LRRC69: variants seen among roughly 807,000 people sequenced by gnomAD.
LRRC69 encodes the protein leucine rich repeat containing 69, also known as leucine-rich repeat-containing protein 69.
Under a neutral mutation model 37.8 loss-of-function variants are expected in LRRC69, and 42 were observed. The ratio of observed to expected loss-of-function variants is 1.11; its 90% CI spans 0.87 to 1.44. The LOEUF (loss-of-function observed/expected upper bound fraction) is 1.44. Ranked by LOEUF, LRRC69 falls within the 40% of genes most tolerant of loss-of-function variation. LRRC69 has a pLI of 0.00. For missense variants in LRRC69, 357 were observed against 401.9 expected (o/e 0.89, Z 0.96); for synonymous variants, 141 against 143.1 (o/e 0.99, Z 0.11).
chr8:91,139,770 T>A (rs143755131), intron 5 of LRRC69, among the ~76,000 whole-genome samples: 53 of 151,896 alleles, frequency 3.5e-4, no homozygotes, highest in Non-Finnish European at 7.1e-4. Flanking sequence ...ATATTTAATT[T>A]CCCAGTATGA....
chr8:91,217,773 C>A (rs1810080851), intron 7 of LRRC69, among the ~76,000 whole-genome samples: 2 of 152,180 alleles, frequency 1.3e-5, no homozygotes, highest in Admixed American at 1.3e-4. Flanking sequence ...CTGAGGAGTT[C>A]AGAACCTGTT....
At chr8:91,130,295 A>T (rs1813785227) in intron 3 of LRRC69, 1 of 151,878 alleles carries the variant, frequency 6.6e-6, no homozygotes, top group Non-Finnish European at 1.5e-5. Context: ...TTTTATTGAG[A>T]CAGAGTCTGG....
intron 1 of LRRC69, among the ~76,000 whole-genome samples, chr8:91,114,748 G>A (rs1259705649): frequency 6.6e-6 from 1 of 151,910 alleles, no homozygotes; most frequent in Non-Finnish European, 1.5e-5. Context: ...TACCATCTAG[G>A]TTAGTGTAAG....
At chr8:91,124,173 T>C (rs1272184419) in intron 1 of LRRC69, among the ~76,000 whole-genome samples, 1 of 152,106 alleles carries the variant, frequency 6.6e-6, no homozygotes, top group East Asian at 1.9e-4. Context: ...GTTCAGATAC[T>C]CTTAAATTGT....
chr8:91,180,914 G>C (rs1045913853), intron 5 of LRRC69, among the ~76,000 whole-genome samples: 4 of 152,122 alleles, frequency 2.6e-5, no homozygotes, highest in Admixed American at 1.3e-4. Context: ...AGAAAACAAG[G>C]ATAATTGTGT....
At chr8:91,140,120 C>T (rs1808507254) in intron 5 of LRRC69, among the ~76,000 whole-genome samples, 1 of 148,342 alleles carries the variant, frequency 6.7e-6, no homozygotes, top group Non-Finnish European at 1.5e-5. Flanking sequence ...AAAGTACTAT[C>T]CAAGTATTCT....
chr8:91,162,082 T>C (rs1331400408), intron 5 of LRRC69, among the ~76,000 whole-genome samples: 1 of 151,448 alleles, frequency 6.6e-6, no homozygotes, highest in Non-Finnish European at 1.5e-5. Context: ...CCTCTTGTTA[T>C]TGATTCATAG....
intron 7 of LRRC69, 66 bp from the exon 8 acceptor site, chr8:91,218,824 A>G: frequency 2.0e-6 from 2 of 1,009,580 alleles, no homozygotes; most frequent in East Asian, 5.4e-5. Flanking sequence ...GAAAGCAAAT[A>G]TTTATTTTAA....
intron 7 of LRRC69, among the ~76,000 whole-genome samples, chr8:91,202,656 G>T (rs1000823626): frequency 1.3e-5 from 2 of 152,176 alleles, no homozygotes; most frequent in Non-Finnish European, 2.9e-5. Context: ...AGTGTGATTA[G>T]AAAGTATTAA....
intron 5 of LRRC69, among the ~76,000 whole-genome samples, chr8:91,155,817 C>A (rs1328512483): frequency 6.7e-6 from 1 of 149,872 alleles, no homozygotes; most frequent in East Asian, 2.0e-4. Context: ...GACAGGATTT[C>A]ATTCTTTTTA....
At chr8:91,107,894 T>C (rs1271068727) in intron 1 of LRRC69, among the ~76,000 whole-genome samples, 3 of 152,084 alleles carry the variant, frequency 2.0e-5, no homozygotes, top group Admixed American at 6.6e-5. Context: ...AAAGATCTTG[T>C]CTCATCCCTA....
chr8:91,192,044 G>A lies in LRRC69; in HGVS notation c.753+2421G>A, dbSNP rs879342983. 5.8e-3 allele frequency among the ~76,000 whole-genome samples: 765 copies of A among 130,882 alleles called. 6 individuals are homozygous for A. The highest frequency in any genetic ancestry group is 0.011 in the Admixed American group (117 of 10,468). The allele number at this position is 130,882 out of a possible 152,430, so 85.9% of individuals were successfully genotyped here. On this transcript the variant is annotated intron_variant, in intron 6 of 7. Transcript: ENST00000448384. ...CAGAGTGTGATATTCCCCTTCCTGT[G>A]TCCATGTGATCTCATTGTTCAATTC...
At chr8:91,150,510 C>T (rs1186273440) in intron 5 of LRRC69, among the ~76,000 whole-genome samples, 33 of 151,990 alleles carry the variant, frequency 2.2e-4, no homozygotes, top group South Asian at 1.7e-3. Flanking sequence ...AGGATTTTTG[C>T]GTCAATGTTC....
chr8:91,177,789 T>A (rs1809257688), intron 5 of LRRC69, among the ~76,000 whole-genome samples: 1 of 152,084 alleles, frequency 6.6e-6, no homozygotes, highest in Admixed American at 6.6e-5. Context: ...TCTCTTTTTA[T>A]CTCAGTCTCT....
chr8:91,178,744 A>G (rs1809276877), intron 5 of LRRC69, among the ~76,000 whole-genome samples: 1 of 152,200 alleles, frequency 6.6e-6, no homozygotes. Flanking sequence ...GTCCTTTCAC[A>G]TTATTTGAAG....
intron 5 of LRRC69, among the ~76,000 whole-genome samples, chr8:91,176,943 C>T (rs941324249): frequency 1.3e-5 from 2 of 151,760 alleles, no homozygotes; most frequent in African/African-American, 4.9e-5. Context: ...TTAATCATTA[C>T]AGTAAATAAG....
intron 1 of LRRC69, among the ~76,000 whole-genome samples, chr8:91,109,242 C>T (rs80204865): frequency 0.018 from 2,667 of 152,156 alleles, 54 homozygotes; most frequent in Non-Finnish European, 0.026. Context: ...AATGCAGCTT[C>T]TCTCTCTGCT....
downstream of LRRC69, chr8:91,219,257 A>G (rs1810117612): frequency 3.5e-6 from 1 of 282,584 alleles, no homozygotes; most frequent in African/African-American, 2.2e-5. Context: ...GTGGCAAGTG[A>G]GTTATTTTTT....
Position 91,189,404 on chromosome 8 carries a change from T to G in LRRC69, c.652-118T>G, listed in dbSNP as rs1282617967. The G allele has an allele frequency of 1.0e-5, 7 of 686,702 alleles. No homozygotes were observed. The Admixed American group carries it at 1.4e-4, about 14-fold the overall frequency. The allele number at this position is 686,702 out of a possible 1,614,324, so 42.5% of individuals were successfully genotyped here. ...TTAGGACTTAAATCCACATTAGTAT[T>G]TACTGTGGATTTTTAGTCCTAAATA... On this transcript the variant is annotated intron_variant, in intron 5 of 7. Transcript: ENST00000448384.
Sources: gnomAD v4.1 joint callset for allele counts (sites outside exome capture counted in the v4.1 genomes callset) on GRCh38, gnomAD v4.1.1 for gene constraint, MANE v1.5 for transcripts, NCBI Gene and HGNC (gene_info 2026-07-23, HGNC 2026-07-21) for gene names.